C4orf33: variants seen among roughly 807,000 people sequenced by gnomAD.
The protein encoded by C4orf33 is chromosome 4 open reading frame 33.
A neutral mutation model predicts 24.3 loss-of-function variants in C4orf33; 20 were observed. The observed-to-expected ratio is 0.82, with a 90% CI of 0.58 to 1.19. C4orf33 has a LOEUF of 1.19. C4orf33 is among the 50% of genes most tolerant of loss of function. The pLI is 0.00. For missense variants in C4orf33, 207 were observed against 225.9 expected (o/e 0.92, Z 0.54); for synonymous variants, 67 against 76.4 (o/e 0.88, Z 0.64).
At chr4:129,111,188 GT>G (rs1332111778) in intron 5 of C4orf33, among the ~76,000 whole-genome samples, 5 of 152,166 alleles carry the variant, frequency 3.3e-5, no homozygotes, top group Admixed American at 6.5e-5. Context: ...GCTTCTTAAT[GT>G]AGTTAAGTGG....
intron 1 of C4orf33, among the ~76,000 whole-genome samples, chr4:129,098,606 C>A (rs139098727): frequency 3.3e-4 from 50 of 152,310 alleles, no homozygotes; most frequent in African/African-American, 1.1e-3. Flanking sequence ...TGGCTTCATG[C>A]AGGAAAGGAT....
upstream of C4orf33, among the ~76,000 whole-genome samples, chr4:129,094,206 CT>C (rs1192186090): frequency 3.3e-5 from 5 of 151,924 alleles, no homozygotes; most frequent in South Asian, 6.2e-4. Flanking sequence ...ATAAAAGGTA[CT>C]TTTTTTTGCA....
rs758542700 is a variant in C4orf33, at chr4:129,106,595, G to A, written c.190G>A (p.Ala64Thr). The A allele has an allele frequency of 3.8e-5, 58 of 1,528,498 alleles. No homozygotes were observed. Among genetic ancestry groups the A allele is most frequent in the Non-Finnish European group, 5.0e-5 (56 of 1,118,362 alleles). 94.7% of individuals were successfully genotyped at this position (1,528,498 alleles called of 1,614,324 possible). A position where few individuals can be genotyped will look rare whatever the true frequency, so the allele number is the denominator to read the frequency against. ...NELWDYEVVE[A>T]FFLNDITEQY... ...ATCTCTGTTTTCAAAAGTTGTGGAA[G>A]CATTTTTCTTGAATGATATAACTGA... The change falls in exon 3 of 6, where the codon GCA becomes ACA. Residue 64 changes from alanine to threonine, a missense_variant. By Grantham distance (58) the Ala-to-Thr change is moderately conservative. Transcript: ENST00000425929.
At position 129,115,152 on chromosome 4, in the gene C4orf33, G is replaced by C. The variant is rs768963297; in HGVS notation, c.*3361G>C. On this transcript the variant is annotated 3_prime_UTR_variant, in exon 6 of 6. Coordinates refer to ENST00000425929, the MANE Select transcript of C4orf33 (RefSeq NM_001099783.2). ...CATAACTTGTTCCACTAAATCTTTTGCATTTAGTATTTGTATAATGGCTGC... is the reference window on the plus strand; with the variant it reads ...CATAACTTGTTCCACTAAATCTTTTCCATTTAGTATTTGTATAATGGCTGC... The C allele has an allele frequency of 3.9e-5, 6 of 152,148 alleles. No individual in the cohort carries two copies. Among genetic ancestry groups the C allele is most frequent in the Non-Finnish European group, 8.8e-5 (6 of 68,026 alleles). 9.4% of individuals were successfully genotyped at this position (152,148 alleles called of 1,614,324 possible).
chr4:129,104,444 T>C (rs1311443519), intron 2 of C4orf33, among the ~76,000 whole-genome samples: 3 of 152,208 alleles, frequency 2.0e-5, no homozygotes, highest in Admixed American at 2.0e-4. Context: ...AGGATCCTTT[T>C]CCTCTCAAGG....
intron 1 of C4orf33, chr4:129,102,090 A>G (rs1191552645): frequency 1.3e-5 from 2 of 152,180 alleles, no homozygotes; most frequent in Non-Finnish European, 1.5e-5. Flanking sequence ...TTTATTATAA[A>G]GATCTTGATT....
In C4orf33 at chr4:129,102,619, T is replaced by C; in HGVS notation, c.9T>C (p.Phe3=). 2 of 1,605,300 alleles carry C rather than the reference T, an allele frequency of 1.2e-6. No individual in the cohort carries two copies. The highest frequency in any genetic ancestry group is 2.2e-5 in the South Asian group (2 of 89,136). Reference sequence around the variant, plus strand: ...TCTTTTAGAGACTTCAGATGGATTTTAAAATTGAACACACTTGGGATGGTT... The same window carrying C: ...TCTTTTAGAGACTTCAGATGGATTTCAAAATTGAACACACTTGGGATGGTT... MD[F]KIEHTWDGFP... The change falls in exon 2 of 6, where the codon TTT becomes TTC. Residue 3 remains phenylalanine, a synonymous_variant. Transcript: ENST00000425929.
rs891495672 is a variant in C4orf33 at position 129,112,956 on chromosome 4, G to A, written c.*1165G>A. The stretch of plus-strand genomic sequence containing the variant: ...GAAACGATCTGCCTGTTTTAGATAC[G>A]AATGGCATATTTTAAATAACCTAGG... On this transcript the variant is annotated 3_prime_UTR_variant, in exon 6 of 6. Transcript: ENST00000425929. 1 of 152,004 alleles carries A rather than the reference G, an allele frequency of 6.6e-6. No individual in the cohort carries two copies. The highest frequency in any genetic ancestry group is 2.4e-5 in the African/African-American group (1 of 41,382). 9.4% of individuals were successfully genotyped at this position (152,004 alleles called of 1,614,324 possible).
chr4:129,098,015 C>T (rs1250893706), intron 1 of C4orf33, among the ~76,000 whole-genome samples: 1 of 151,980 alleles, frequency 6.6e-6, no homozygotes, highest in Non-Finnish European at 1.5e-5. Flanking sequence ...TCTAGGAGCT[C>T]TTTGTGCATT....
rs1022508289 is a variant in C4orf33, at chr4:129,113,690, G to A, written c.*1899G>A. The A allele has an allele frequency of 6.6e-6, 1 of 152,082 alleles. No individual in the cohort carries two copies. Among genetic ancestry groups the A allele is most frequent in the African/African-American group, 2.4e-5 (1 of 41,412 alleles). The allele number at this position is 152,082 out of a possible 1,614,324, so 9.4% of individuals were successfully genotyped here. On this transcript the variant is annotated 3_prime_UTR_variant, in exon 6 of 6. Coordinates refer to ENST00000425929, the MANE Select transcript of C4orf33 (RefSeq NM_001099783.2). ...TTTTCCCAGCTCCAGGAAAGTGTAA[G>A]TCACAGTCTGAAGGGAAATGTGCTT...
upstream of C4orf33, among the ~76,000 whole-genome samples, chr4:129,095,004 C>G (rs376514096): frequency 9.9e-4 from 151 of 152,228 alleles, no homozygotes; most frequent in African/African-American, 3.6e-3. Context: ...TACCTTCTGG[C>G]TATAACTGAT....
upstream of C4orf33, among the ~76,000 whole-genome samples, chr4:129,094,314 A>T (rs901310858): frequency 1.3e-5 from 2 of 152,122 alleles, no homozygotes; most frequent in Non-Finnish European, 2.9e-5. Context: ...TTTTTAAAAA[A>T]AATCATTTAA....
chr4:129,105,776 AT>A (rs1753499040), intron 2 of C4orf33, among the ~76,000 whole-genome samples: 1 of 152,182 alleles, frequency 6.6e-6, no homozygotes, highest in Non-Finnish European at 1.5e-5. Context: ...TGTTTTAATT[AT>A]TTACAAGAAA....
intron 3 of C4orf33, among the ~76,000 whole-genome samples, chr4:129,106,973 G>A (rs1035999856): frequency 1.1e-4 from 16 of 151,636 alleles, no homozygotes; most frequent in South Asian, 2.1e-4. Flanking sequence ...CATTATTTAC[G>A]CAATAAATTT....
At position 129,105,070 on chromosome 4, in the gene C4orf33, T is replaced by C. The variant is rs547402325; in HGVS notation, c.182-1517T>C. On this transcript the variant is annotated intron_variant, in intron 2 of 5. Coordinates refer to ENST00000425929, the MANE Select transcript of C4orf33 (RefSeq NM_001099783.2). ...TATGTACCTATCTATTTTATATATA[T>C]GGAGAGAAAGAGAGAGATCTATTTT... 2.6e-5 allele frequency among the ~76,000 whole-genome samples: 4 copies of C among 152,076 alleles called. No homozygotes were observed. In the South Asian group the frequency reaches 8.3e-4, roughly 32 times the overall value.
rs192274439 is a variant in C4orf33 at position 129,102,321 on chromosome 4, C to T, written c.-9-281C>T. 16 of 238,348 alleles carry T rather than the reference C, an allele frequency of 6.7e-5. 1 individual carries two copies. In the South Asian group the frequency reaches 7.2e-4, roughly 11 times the overall value. 14.8% of individuals were successfully genotyped at this position (238,348 alleles called of 1,614,324 possible). On this transcript the variant is annotated intron_variant, in intron 1 of 5. Transcript: ENST00000425929. ...CTTTTATCACTTTTCATGTTGAGGT[C>T]GATAGTGTTTCTATGGCAGCAATTA...
upstream of C4orf33, among the ~76,000 whole-genome samples, chr4:129,095,679 A>T (rs532687767): frequency 1.3e-5 from 2 of 152,226 alleles, no homozygotes; most frequent in Non-Finnish European, 2.9e-5. Context: ...AAGAATACAA[A>T]GTTAGAAGTT....
chr4:129,107,775 A>AT (rs2125803203), intron 3 of C4orf33, among the ~76,000 whole-genome samples: 1 of 152,142 alleles, frequency 6.6e-6, no homozygotes, highest in African/African-American at 2.4e-5. Context: ...AACATTCATA[A>AT]TTTGTCTAGA....
chr4:129,100,832 C>G (rs1230359443), intron 1 of C4orf33: 1 of 152,276 alleles, frequency 6.6e-6, no homozygotes, highest in Non-Finnish European at 1.5e-5. Flanking sequence ...TTCAGCATTT[C>G]TAACGTCTTG....
Sources: gnomAD v4.1 joint callset for allele counts (sites outside exome capture counted in the v4.1 genomes callset) on GRCh38, gnomAD v4.1.1 for gene constraint, MANE v1.5 for transcripts, NCBI Gene and HGNC (gene_info 2026-07-23, HGNC 2026-07-21) for gene names.